The following NOLC1 variants were observed in gnomAD, a reference collection of about 807,000 sequenced individuals.
NOLC1 encodes the protein nucleolar and coiled-body phosphoprotein 1, also known as 140 kDa nucleolar phosphoprotein.
A neutral mutation model predicts 73.4 loss-of-function variants in NOLC1; 37 were observed. The ratio of observed to expected loss-of-function variants is 0.50; its 90% confidence interval spans 0.39 to 0.66. NOLC1 has a LOEUF of 0.66. Among genes scored for constraint, NOLC1 ranks in the 30% least tolerant of loss-of-function variants. NOLC1 has a pLI of 0.00. For synonymous variants in NOLC1, 327 were observed against 302.6 expected, an observed-to-expected ratio of 1.08 and a Z score of -0.84; for missense variants, 921 against 838.9, an observed-to-expected ratio of 1.10 and a Z score of -1.21.
chr10:102,155,357 C>T (rs1201867087), intron 1 of NOLC1, among the ~76,000 whole-genome samples: 8 of 148,516 alleles, frequency 5.4e-5, no homozygotes, highest in Non-Finnish European at 4.4e-5. Flanking sequence ...CCAACCTGGG[C>T]GACCAAGAGC....
Position 102,162,928 on chromosome 10 carries a change from G to A in NOLC1, c.*659G>A, listed in dbSNP as rs2069737622. 6.6e-6 allele frequency: 1 copy of A among 152,168 alleles called. No homozygotes were observed. Among genetic ancestry groups the A allele is most frequent in the African/African-American group, 2.4e-5 (1 of 41,448 alleles). 9.4% of individuals were successfully genotyped at this position (152,168 alleles called of 1,614,324 possible). On this transcript the variant is annotated 3_prime_UTR_variant, in exon 13 of 13. Transcript: ENST00000605788. The stretch of plus-strand genomic sequence containing the variant: ...TTTGTTACAGGCAAAATTCTGGTAT[G>A]GCGTGAATGCCATGGGTCATTCTGA...
At chr10:102,153,758 C>T (rs907678126) in intron 1 of NOLC1, among the ~76,000 whole-genome samples, 5 of 149,614 alleles carry the variant, frequency 3.3e-5, no homozygotes, top group South Asian at 2.1e-4. Flanking sequence ...TTGTAACCTC[C>T]GCCTCCCAAG....
At chr10:102,154,660 C>G (rs897916029) in intron 1 of NOLC1, among the ~76,000 whole-genome samples, 1 of 151,940 alleles carries the variant, frequency 6.6e-6, no homozygotes, top group African/African-American at 2.4e-5. Context: ...TCCCAAATAG[C>G]TGGGATTACA....
Position 102,159,621 on chromosome 10 carries a change from A to G in NOLC1, c.859+53A>G, listed in dbSNP as rs752780729. ...GTGACTGTGGTCAGGGCCCAGCTGC[A>G]GTAACCACATGGACCTCTCCATAGA... is the stretch of plus-strand genomic sequence containing the variant. On this transcript the variant is annotated intron_variant, in intron 7 of 12. Transcript: ENST00000605788. 1.6e-4 allele frequency: 244 copies of G among 1,571,436 alleles called. No individual in the cohort carries two copies. The highest frequency in any genetic ancestry group is 2.0e-4 in the Non-Finnish European group (232 of 1,153,284).
rs1564965503 is a variant in NOLC1 at position 102,152,549 on chromosome 10, G to C, written c.120+19G>C. ...AGGAGCTGTGAGTTCCGGGCTTGGG[G>C]CGGGGACCGGGCTGAGATGACCACA... On this transcript the variant is annotated intron_variant, in intron 1 of 12. Transcript: ENST00000605788. The C allele has an allele frequency of 3.1e-6, 5 of 1,612,962 alleles. No homozygotes were observed. The highest frequency in any genetic ancestry group is 4.2e-6 in the Non-Finnish European group (5 of 1,180,006).
In NOLC1 at chr10:102,157,419, GTGTT is replaced by G. The variant is rs763439093; in HGVS notation, c.317-7_317-4del. 7.4e-6 allele frequency: 12 copies of G among 1,614,054 alleles called. No individual in the cohort carries two copies. Among genetic ancestry groups the G allele is most frequent in the East Asian group, 2.2e-5 (1 of 44,894 alleles). ...ATGGCTGATTCTTACTGGGACCTGT[GTGTT>G]TGTTCAGCTGTACCTGCCAAGCGAG... is the stretch of plus-strand genomic sequence containing the variant. On this transcript the variant is annotated splice_region_variant and splice_polypyrimidine_tract_variant and intron_variant, in intron 3 of 12. Coordinates refer to ENST00000605788, the MANE Select transcript of NOLC1 (RefSeq NM_004741.5).
intron 4 of NOLC1, 63 bp from the exon 5 acceptor site, chr10:102,157,986 T>C: frequency 6.8e-7 from 1 of 1,473,492 alleles, no homozygotes; most frequent in Non-Finnish European, 9.3e-7. Context: ...AAAAGGAACC[T>C]AGGATGCCCT....
Position 102,160,953 on chromosome 10 carries a change from A to G in NOLC1, c.1601A>G (p.Lys534Arg), listed in dbSNP as rs1400875761. The change falls in exon 10 of 13, where the codon AAG (lysine) becomes AGG (arginine). Residue 534 changes from lysine to arginine, a missense_variant. Lys to Arg is a conservative substitution (Grantham distance 26). Transcript: ENST00000605788. ...DSSEEEEEKL[K>R]GKGSPRPQAP... ...AGTGAGGAAGAGGAAGAGAAGCTCA[A>G]GGGCAAGGGCTCTCCAAGACCACAA... 1 of 1,614,224 alleles carries G rather than the reference A, an allele frequency of 6.2e-7. No individual in the cohort carries two copies. The highest frequency in any genetic ancestry group is 2.2e-5 in the East Asian group (1 of 44,886).
At position 102,162,263 on chromosome 10, in the gene NOLC1, C is replaced by T. The variant is rs767225889; in HGVS notation, c.2094C>T (p.Ser698=). ...SVQVNSIKFD[S]E ...AGGTCAATTCTATTAAGTTTGACAG[C>T]GAGTGACCTGAGGCCATCTTCGGTG... Residue 698 remains serine (S), a synonymous_variant, in exon 13 of 13, where the codon AGC becomes AGT. Coordinates refer to ENST00000605788, the MANE Select transcript of NOLC1 (RefSeq NM_004741.5). 21 of 1,613,500 alleles carry T rather than the reference C, an allele frequency of 1.3e-5. No individual in the cohort carries two copies. The highest frequency in any genetic ancestry group is 4.0e-5 in the African/African-American group (3 of 74,854).
At position 102,156,890 on chromosome 10, in the gene NOLC1, C is replaced by T. The variant is rs902537803; in HGVS notation, c.121-129C>T. The stretch of plus-strand genomic sequence containing the variant: ...GAATATTTTTCTCCTGATTTATGCA[C>T]GTAGCAAAAGTTTTATGAAGATGTA... On this transcript the variant is annotated intron_variant, in intron 1 of 12. Transcript: ENST00000605788. 89 of 892,868 alleles carry T rather than the reference C, an allele frequency of 1.0e-4. No individual in the cohort carries two copies. In the East Asian group the frequency reaches 1.8e-3, roughly 18 times the overall value. 55.3% of individuals were successfully genotyped at this position (892,868 alleles called of 1,614,324 possible).
Position 102,162,267 on chromosome 10 carries a change from T to A in NOLC1, c.2098T>A (p.Ter700ArgextTer40). ...QVNSIKFDSE[*>R] The stretch of plus-strand genomic sequence containing the variant: ...CAATTCTATTAAGTTTGACAGCGAG[T>A]GACCTGAGGCCATCTTCGGTGAAGC... Residue 700 changes from the stop codon to arginine (R), a stop_lost, in exon 13 of 13, where the codon TGA (stop) becomes AGA (arginine). Transcript: ENST00000605788. 6.2e-7 allele frequency: 1 copy of A among 1,613,600 alleles called. No homozygotes were observed.
At position 102,163,699 on chromosome 10, in the gene NOLC1, C is replaced by G. The variant is rs1444588810; in HGVS notation, c.*1430C>G. The G allele has an allele frequency of 1.3e-5, 2 of 152,210 alleles. No homozygotes were observed. Among genetic ancestry groups the G allele is most frequent in the African/African-American group, 4.8e-5 (2 of 41,442 alleles). 9.4% of individuals were successfully genotyped at this position (152,210 alleles called of 1,614,324 possible). On this transcript the variant is annotated 3_prime_UTR_variant, in exon 13 of 13. Coordinates refer to ENST00000605788, the MANE Select transcript of NOLC1 (RefSeq NM_004741.5). ...ACGAGTTATAGGTCTTAAGATTAGT[C>G]TCCTCTTGTTTGGATTCCATACTTG...
In NOLC1 at chr10:102,161,675, A is replaced by T. The variant is rs565633490; in HGVS notation, c.1848+13A>T. The T allele has an allele frequency of 4.4e-6, 7 of 1,604,964 alleles. No individual in the cohort carries two copies. The highest frequency in any genetic ancestry group is 4.3e-6 in the Non-Finnish European group (5 of 1,172,508). The stretch of plus-strand genomic sequence containing the variant: ...AAAAAGGAAGAAAGTAAGTTGTCTC[A>T]CTTTCTTCTCAGGAGCCAGCTCTTT... On this transcript the variant is annotated intron_variant, in intron 11 of 12. Transcript: ENST00000605788.
chr10:102,156,603 A>G (rs184137881), intron 1 of NOLC1, among the ~76,000 whole-genome samples: 1 of 151,144 alleles, frequency 6.6e-6, no homozygotes, highest in East Asian at 2.0e-4. Context: ...ATGCTGGGCT[A>G]ATTTTTGTTT....
chr10:102,153,963 G>C (rs555343258), intron 1 of NOLC1, among the ~76,000 whole-genome samples: 1 of 151,718 alleles, frequency 6.6e-6, no homozygotes, highest in African/African-American at 2.4e-5. Context: ...GCGAGCCACC[G>C]TGCCCGGCCT....
chr10:102,160,259 C>T lies in NOLC1; in HGVS notation c.1015C>T (p.Pro339Ser). 3 of 1,614,158 alleles carry T rather than the reference C, an allele frequency of 1.9e-6. No homozygotes were observed. Among genetic ancestry groups the T allele is most frequent in the South Asian group, 1.1e-5 (1 of 91,090 alleles). Residue 339 changes from proline (P) to serine (S), a missense_variant, in exon 9 of 13, where the codon CCC (proline) becomes TCC (serine). Physicochemically the swap from Pro to Ser is moderately conservative, Grantham distance 74 (BLOSUM62 -1). Transcript: ENST00000605788. ...TTCAAGTTCTGAAGAAGAGAAGAAA[C>T]CCCCAACTAAGGCAGTAGTCTCTAA... is the stretch of plus-strand genomic sequence containing the variant. Reference protein sequence around the residue: ...SDSSSEEEKKPPTKAVVSKAT... With the variant: ...SDSSSEEEKKSPTKAVVSKAT...
In NOLC1 at chr10:102,157,227, G is replaced by A. The variant is rs1315963274; in HGVS notation, c.215G>A (p.Gly72Glu). Residue 72 changes from glycine to glutamate, a missense_variant, in exon 3 of 13, where the codon GGA (glycine) becomes GAA (glutamate). Transcript: ENST00000605788. ...CCAGAGCGAAAGTTACAGGCAAATG[G>A]ACCAGTGGCTAAGAAAGCTAAGAAG... Reference protein sequence around the residue: ...KVPERKLQANGPVAKKAKKKA... With the variant: ...KVPERKLQANEPVAKKAKKKA... 1.2e-6 allele frequency: 2 copies of A among 1,614,066 alleles called. No homozygotes were observed. The highest frequency in any genetic ancestry group is 2.7e-5 in the African/African-American group (2 of 74,906).
intron 8 of NOLC1, 42 bp from the exon 9 acceptor site, chr10:102,160,191 T>C (rs1564971039): frequency 6.9e-6 from 11 of 1,602,068 alleles, no homozygotes; most frequent in Non-Finnish European, 8.5e-6. Context: ...CCTGGTTGGG[T>C]TGGGACTCTG....
Position 102,162,880 on chromosome 10 carries a change from C to CTTTTTGGTTAAAATTTTTTTTT in NOLC1, c.*618_*619insTTAAAATTTTTTTTTTTTTTGG, listed in dbSNP as rs2069737016. The CTTTTTGGTTAAAATTTTTTTTT allele has an allele frequency of 1.3e-5, 2 of 152,208 alleles. No homozygotes were observed. The highest frequency in any genetic ancestry group is 4.1e-4 in the South Asian group (2 of 4,834). 9.4% of individuals were successfully genotyped at this position (152,208 alleles called of 1,614,324 possible). ...TTTTAGCCAGCATGGACCTAACCTA[C>CTTTTTGGTTAAAATTTTTTTTT]TTTTTGGGATAAAATTCTCTGTTTT... On this transcript the variant is annotated 3_prime_UTR_variant, in exon 13 of 13. Transcript: ENST00000605788.
Sources: allele counts gnomAD v4.1 joint callset (sites outside exome capture counted in the v4.1 genomes callset), GRCh38; gene constraint gnomAD v4.1.1; transcripts MANE v1.5; gene names NCBI Gene and HGNC (gene_info 2026-07-23, HGNC 2026-07-21).